The following CAMK1D variants were observed in gnomAD, a reference collection of about 807,000 sequenced individuals.
The protein encoded by CAMK1D is calcium/calmodulin-dependent protein kinase type 1D.
A neutral mutation model predicts 47.7 loss-of-function variants in CAMK1D; 9 were observed. The ratio of observed to expected loss-of-function variants is 0.19; its 90% confidence interval spans 0.11 to 0.33. The LOEUF (loss-of-function observed/expected upper bound fraction) is 0.33. CAMK1D is among the 10% of genes least tolerant of loss of function. The pLI is 1.00. For missense variants in CAMK1D, 291 were observed against 488.7 expected (o/e 0.60, Z 3.81); for synonymous variants, 184 against 184.9 (o/e 0.99, Z 0.04).
chr10:12,780,832 G>C (rs1315425748), intron 5 of CAMK1D, among the ~76,000 whole-genome samples: 1 of 152,218 alleles, frequency 6.6e-6, no homozygotes, highest in Non-Finnish European at 1.5e-5. Context: ...ATCCAGATGA[G>C]AGTTTTCTCT....
Position 12,791,252 on chromosome 10 carries a change from C to G in CAMK1D, c.641+19C>G, listed in dbSNP as rs778382442. ...ACATCTTGTAAGTACTGCCTGCTGC[C>G]TTGGGTTCTTCCTCTACCGGCCTTT... On this transcript the variant is annotated intron_variant, in intron 6 of 10. Coordinates refer to ENST00000619168, the MANE Select transcript of CAMK1D (RefSeq NM_153498.4). 6.2e-7 allele frequency: 1 copy of G among 1,608,954 alleles called. No individual in the cohort carries two copies. The highest frequency in any genetic ancestry group is 8.5e-7 in the Non-Finnish European group (1 of 1,177,084).
intron 8 of CAMK1D, 53 bp from the exon 9 acceptor site, chr10:12,824,412 G>T: frequency 1.3e-6 from 2 of 1,495,444 alleles, no homozygotes; most frequent in Non-Finnish European, 1.9e-6. Flanking sequence ...ATGGGACGCA[G>T]TGTCAGGGCC....
chr10:12,404,172 A>G (rs1839330262), intron 1 of CAMK1D, among the ~76,000 whole-genome samples: 1 of 151,438 alleles, frequency 6.6e-6, no homozygotes, highest in South Asian at 2.1e-4. Context: ...CAGCCTTCCC[A>G]GTAGTTGGGA....
chr10:12,428,021 A>G (rs1365117723), intron 1 of CAMK1D, among the ~76,000 whole-genome samples: 1 of 151,882 alleles, frequency 6.6e-6, no homozygotes, highest in Non-Finnish European at 1.5e-5. Flanking sequence ...TTATTTTTAA[A>G]TTAATTAATT....
chr10:12,616,728 A>T (rs955244106), intron 2 of CAMK1D, among the ~76,000 whole-genome samples: 5 of 152,150 alleles, frequency 3.3e-5, no homozygotes, highest in Admixed American at 6.5e-5. Context: ...CTTGTTAGCC[A>T]GGATGGTCTC....
At chr10:12,415,834 C>T (rs1588461791) in intron 1 of CAMK1D, 1 of 142,758 alleles carries the variant, frequency 7.0e-6, no homozygotes, top group African/African-American at 2.6e-5. Flanking sequence ...GAGACAAGGT[C>T]TCGCTCTGTT....
At position 12,677,355 on chromosome 10, in the gene CAMK1D, T is replaced by G. The variant is rs552164700; in HGVS notation, c.299+10545T>G. Among the ~76,000 whole-genome samples the G allele has an allele frequency of 2.7e-4, 41 of 152,168 alleles. No homozygotes were observed. The South Asian group carries it at 8.3e-3, about 31-fold the overall frequency. Reference sequence around the variant, plus strand: ...TATATTTATATATAAATTACCAAAATCTTATCTTTGTTCACAGCAGATACT... The same window carrying G: ...TATATTTATATATAAATTACCAAAAGCTTATCTTTGTTCACAGCAGATACT... On this transcript the variant is annotated intron_variant, in intron 3 of 10. Coordinates refer to ENST00000619168, the MANE Select transcript of CAMK1D (RefSeq NM_153498.4).
rs539540914 is a variant in CAMK1D, at chr10:12,417,789, G to A, written c.92+67879G>A. 4.6e-5 allele frequency among the ~76,000 whole-genome samples: 7 copies of A among 151,020 alleles called. No homozygotes were observed. In the East Asian group the frequency reaches 1.4e-3, roughly 29 times the overall value. On this transcript the variant is annotated intron_variant, in intron 1 of 10. Coordinates refer to ENST00000619168, the MANE Select transcript of CAMK1D (RefSeq NM_153498.4). ...GGGCATCTCTATGCTCTTTATAACA[G>A]TAATAATTATTTTTTGCCTTTTTTT...
intron 2 of CAMK1D, among the ~76,000 whole-genome samples, chr10:12,583,502 C>A (rs1031337214): frequency 1.3e-5 from 2 of 152,110 alleles, no homozygotes; most frequent in South Asian, 4.1e-4. Context: ...TTGAGTGTCC[C>A]TGTGTGTTTC....
At chr10:12,622,115 T>A (rs996773494) in intron 2 of CAMK1D, among the ~76,000 whole-genome samples, 1 of 152,188 alleles carries the variant, frequency 6.6e-6, no homozygotes, top group East Asian at 1.9e-4. Context: ...GTTTCCTCTT[T>A]GGCGTCTTTG....
At chr10:12,508,860 C>G (rs1302330777) in intron 1 of CAMK1D, among the ~76,000 whole-genome samples, 1 of 152,136 alleles carries the variant, frequency 6.6e-6, no homozygotes, top group Non-Finnish European at 1.5e-5. Context: ...TTCCCGGACT[C>G]TCTTTAAGAA....
At chr10:12,658,102 C>A (rs892593495) in intron 2 of CAMK1D, among the ~76,000 whole-genome samples, 4 of 151,926 alleles carry the variant, frequency 2.6e-5, no homozygotes, top group African/African-American at 9.7e-5. Flanking sequence ...GAGCCGAGAT[C>A]GTGCCACTGC....
At chr10:12,702,976 C>G (rs571332196) in intron 3 of CAMK1D, among the ~76,000 whole-genome samples, 1 of 152,174 alleles carries the variant, frequency 6.6e-6, no homozygotes, top group Non-Finnish European at 1.5e-5. Flanking sequence ...ATCATACAGT[C>G]CCCATTACAG....
intron 2 of CAMK1D, among the ~76,000 whole-genome samples, chr10:12,577,764 T>C (rs1837535057): frequency 6.6e-6 from 1 of 152,244 alleles, no homozygotes; most frequent in Admixed American, 6.5e-5. Flanking sequence ...CGGGGTATGA[T>C]GCTTGGCTGA....
At chr10:12,373,253 C>CCTGGCACCTG (rs1424104364) in intron 1 of CAMK1D, among the ~76,000 whole-genome samples, 5 of 150,098 alleles carry the variant, frequency 3.3e-5, no homozygotes, top group Admixed American at 1.3e-4. Flanking sequence ...GTTGAGGCTG[C>CCTGGCACCTG]AGTGAGCCGT....
chr10:12,379,403 A>C (rs1196862373), intron 1 of CAMK1D, among the ~76,000 whole-genome samples: 1 of 152,076 alleles, frequency 6.6e-6, no homozygotes, highest in Non-Finnish European at 1.5e-5. Context: ...AAATCATCAG[A>C]GTTTCTTGTT....
At chr10:12,540,445 A>T (rs1290568040) in intron 1 of CAMK1D, among the ~76,000 whole-genome samples, 2 of 152,230 alleles carry the variant, frequency 1.3e-5, no homozygotes, top group Non-Finnish European at 2.9e-5. Flanking sequence ...AGAGTGTGGC[A>T]GTAGGCACTC....
At chr10:12,468,846 C>G (rs1468524324) in intron 1 of CAMK1D, among the ~76,000 whole-genome samples, 1 of 152,202 alleles carries the variant, frequency 6.6e-6, no homozygotes, top group East Asian at 1.9e-4. Context: ...TCTTTGTCAT[C>G]CTTTCCTTTC....
intron 2 of CAMK1D, among the ~76,000 whole-genome samples, chr10:12,604,619 C>T (rs1256810259): frequency 2.0e-5 from 3 of 152,144 alleles, no homozygotes; most frequent in Non-Finnish European, 2.9e-5. Context: ...ATTAATTTAC[C>T]ACCTGCAAGT....
Sources: allele counts gnomAD v4.1 joint callset (sites outside exome capture counted in the v4.1 genomes callset), GRCh38; gene constraint gnomAD v4.1.1; transcripts MANE v1.5; gene names NCBI Gene and HGNC (gene_info 2026-07-23, HGNC 2026-07-21).